Variants in KAT6B observed in about 807,000 individuals in gnomAD.
The protein encoded by KAT6B is lysine acetyltransferase 6B, also known as histone acetyltransferase KAT6B.
Under a neutral mutation model 187.5 loss-of-function variants are expected in KAT6B, and 10 were observed. The ratio of observed to expected loss-of-function variants is 0.05; its 90% CI spans 0.03 to 0.09. The LOEUF is 0.09. Ranked by LOEUF, KAT6B falls within the 10% of genes least tolerant of loss-of-function variation. KAT6B has a pLI of 1.00. For synonymous variants in KAT6B, 861 were observed against 926.8 expected, an observed-to-expected ratio of 0.93 and a Z score of 1.29; for missense variants, 1,952 against 2,558.9, an observed-to-expected ratio of 0.76 and a Z score of 5.12.
chr10:75,014,533 C>T (rs1175258304), intron 13 of KAT6B, among the ~76,000 whole-genome samples: 1 of 151,974 alleles, frequency 6.6e-6, no homozygotes, highest in Non-Finnish European at 1.5e-5. Flanking sequence ...AAATATTTGT[C>T]AAATTTCTCA....
intron 3 of KAT6B, among the ~76,000 whole-genome samples, chr10:74,864,538 A>C (rs1843421209): frequency 6.6e-6 from 1 of 151,740 alleles, no homozygotes; most frequent in Non-Finnish European, 1.5e-5. Context: ...TTTTCCCCTC[A>C]GGTATTTTAT....
At chr10:74,999,160 A>G (rs781299998) in intron 13 of KAT6B, among the ~76,000 whole-genome samples, 1 of 152,258 alleles carries the variant, frequency 6.6e-6, no homozygotes, top group Non-Finnish European at 1.5e-5. Context: ...GTGAGGATGC[A>G]TGGAAAAGAG....
At chr10:74,966,340 T>A (rs1401730426) in intron 4 of KAT6B, among the ~76,000 whole-genome samples, 1 of 152,230 alleles carries the variant, frequency 6.6e-6, no homozygotes, top group Non-Finnish European at 1.5e-5. Context: ...TCTAGGTCGG[T>A]ACCCCTAGTC....
intron 3 of KAT6B, among the ~76,000 whole-genome samples, chr10:74,853,611 A>C (rs1040802145): frequency 1.4e-5 from 2 of 147,440 alleles, no homozygotes; most frequent in African/African-American, 5.0e-5. Flanking sequence ...TTTAATATAT[A>C]AGAAATGCCT....
chr10:74,929,948 C>T (rs1293600394), intron 3 of KAT6B, among the ~76,000 whole-genome samples: 4 of 139,442 alleles, frequency 2.9e-5, no homozygotes, highest in Admixed American at 7.7e-5. Flanking sequence ...GAGGCTTAGT[C>T]TCAAGCTGTT....
At chr10:74,992,733 C>T (rs892056087) in intron 13 of KAT6B, among the ~76,000 whole-genome samples, 10 of 152,224 alleles carry the variant, frequency 6.6e-5, no homozygotes, top group African/African-American at 2.2e-4. Flanking sequence ...GGACCATGTG[C>T]TGCTTGCAGA....
chr10:74,859,318 CAA>C (rs559356462), intron 3 of KAT6B, among the ~76,000 whole-genome samples: 13 of 151,950 alleles, frequency 8.6e-5, no homozygotes, highest in Non-Finnish European at 1.8e-4. Flanking sequence ...CCCCTGGCCT[CAA>C]GAGATCCAGC....
intron 13 of KAT6B, chr10:75,003,223 A>C (rs188136851): frequency 9.2e-5 from 14 of 152,374 alleles, no homozygotes; most frequent in Admixed American, 3.3e-4. Context: ...ACATTTGTAC[A>C]TAGCAGGTTG....
At chr10:74,848,344 A>G (rs557032565) in intron 3 of KAT6B, among the ~76,000 whole-genome samples, 50 of 152,274 alleles carry the variant, frequency 3.3e-4, no homozygotes, top group African/African-American at 1.2e-3. Flanking sequence ...CTTAAAACAT[A>G]AAGAGATTTT....
intron 3 of KAT6B, among the ~76,000 whole-genome samples, chr10:74,945,177 A>G (rs1839859204): frequency 6.6e-6 from 1 of 152,260 alleles, no homozygotes; most frequent in African/African-American, 2.4e-5. Context: ...AAAATGAGGC[A>G]CTGAGTAACA....
At chr10:74,863,245 C>G (rs1843316672) in intron 3 of KAT6B, among the ~76,000 whole-genome samples, 1 of 152,096 alleles carries the variant, frequency 6.6e-6, no homozygotes, top group South Asian at 2.1e-4. Flanking sequence ...AAAAAGAAGA[C>G]TGTGTGAGCT....
chr10:75,029,983 C>T lies in KAT6B; in HGVS notation c.5159C>T (p.Ala1720Val). The part of the protein sequence containing the change: ...TSSSLTQSSC[A>V]VTQQMSNISG... Reference sequence around the variant, plus strand: ...AGCAGTCTGACACAGAGCAGCTGTGCTGTCACCCAGCAGATGTCCAACATC... The same window carrying T: ...AGCAGTCTGACACAGAGCAGCTGTGTTGTCACCCAGCAGATGTCCAACATC... The change falls in exon 18 of 18, where the codon GCT becomes GTT. Residue 1720 changes from alanine (A) to valine (V), a missense_variant. Ala to Val is a moderately conservative substitution (Grantham distance 64). Around this residue, in one of 9 missense-constraint regions of KAT6B, gnomAD observed 87 missense variants for 167.5 expected, o/e 0.52. Transcript: ENST00000287239. This position sits in a 1 kb window ranked among gnomAD's most constrained non-coding sequence, Gnocchi z 6.2. 1.2e-6 allele frequency: 2 copies of T among 1,614,224 alleles called. No individual in the cohort carries two copies. The highest frequency in any genetic ancestry group is 1.7e-6 in the Non-Finnish European group (2 of 1,180,038).
chr10:74,944,702 G>C (rs1849976129), intron 3 of KAT6B, among the ~76,000 whole-genome samples: 1 of 151,174 alleles, frequency 6.6e-6, no homozygotes, highest in South Asian at 2.1e-4. Context: ...CCAGCTACTC[G>C]GGAAGCTGAG....
chr10:74,975,685 A>G lies in KAT6B; in HGVS notation c.1348A>G (p.Arg450Gly). The G allele has an allele frequency of 6.2e-7, 1 of 1,614,236 alleles. No homozygotes were observed. The highest frequency in any genetic ancestry group is 8.5e-7 in the Non-Finnish European group (1 of 1,180,050). The change falls in exon 8 of 18, where the codon AGA becomes GGA. Residue 450 changes from arginine to glycine, a missense_variant. Arg to Gly is a moderately radical substitution (Grantham distance 125). Around this residue, in one of 9 missense-constraint regions of KAT6B, gnomAD observed 417 missense variants for 508.9 expected, o/e 0.82. Transcript: ENST00000287239. ...KFFTPSPDGR[R>G]SRGEIIDFSK... ...TTTTACACCATCACCTGATGGTCGC[A>G]GATCACGAGGTGAAATTATAGACTT...
At chr10:74,944,979 A>C (rs1850010284) in intron 3 of KAT6B, among the ~76,000 whole-genome samples, 1 of 152,206 alleles carries the variant, frequency 6.6e-6, no homozygotes, top group African/African-American at 2.4e-5. Context: ...TTCTTATAAA[A>C]TAAACCTACA....
chr10:74,925,717 A>G (rs1189400772), intron 3 of KAT6B, among the ~76,000 whole-genome samples: 3 of 152,218 alleles, frequency 2.0e-5, no homozygotes, highest in Admixed American at 6.5e-5. Flanking sequence ...GCTCTTTAAT[A>G]GTAACTCTTA....
At chr10:75,010,769 T>C (rs1844547694) in intron 13 of KAT6B, among the ~76,000 whole-genome samples, 1 of 152,178 alleles carries the variant, frequency 6.6e-6, no homozygotes, top group South Asian at 2.1e-4. Context: ...GACTAGATAT[T>C]AGAATGAAGT....
At chr10:74,875,040 C>T (rs572013162) in intron 3 of KAT6B, among the ~76,000 whole-genome samples, 2 of 152,208 alleles carry the variant, frequency 1.3e-5, no homozygotes, top group East Asian at 3.9e-4. Flanking sequence ...TCACCCAAAG[C>T]CCATAGTTTA....
chr10:74,924,363 A>G (rs1449387769), intron 3 of KAT6B, among the ~76,000 whole-genome samples: 1 of 152,174 alleles, frequency 6.6e-6, no homozygotes, highest in Non-Finnish European at 1.5e-5. Flanking sequence ...AAATTCCTTC[A>G]TAAGCAGTTG....
Sources: allele counts gnomAD v4.1 joint callset (sites outside exome capture counted in the v4.1 genomes callset), GRCh38; gene constraint gnomAD v4.1.1; regional missense constraint gnomAD v4.1.1; non-coding constraint Gnocchi (gnomAD v3.1); transcripts MANE v1.5; gene names NCBI Gene and HGNC (gene_info 2026-07-23, HGNC 2026-07-21).